The following TTC29 variants were observed in gnomAD, a reference collection of about 807,000 sequenced individuals.
The protein encoded by TTC29 is tetratricopeptide repeat protein 29.
A neutral mutation model predicts 58.1 loss-of-function variants in TTC29; 49 were observed. The observed-to-expected ratio is 0.84, with a 90% CI of 0.67 to 1.07. TTC29 has a LOEUF of 1.07. Ranked by LOEUF, TTC29 falls within the 50% of genes least tolerant of loss-of-function variation. The pLI, the probability that TTC29 is intolerant of heterozygous loss-of-function variation, is 0.00. For synonymous variants in TTC29, 209 were observed against 196.8 expected (o/e 1.06, Z -0.52); for missense variants, 582 against 555.6 (o/e 1.05, Z -0.48).
intron 11 of TTC29, among the ~76,000 whole-genome samples, chr4:146,713,114 G>GTA (rs1554003579): frequency 6.7e-6 from 1 of 148,760 alleles, no homozygotes; most frequent in Non-Finnish European, 1.5e-5. Flanking sequence ...AATTGATCGT[G>GTA]TGTGTGTGTG....
At chr4:146,914,705 A>C (rs1734105168) in intron 4 of TTC29, among the ~76,000 whole-genome samples, 1 of 152,168 alleles carries the variant, frequency 6.6e-6, no homozygotes, top group African/African-American at 2.4e-5. Flanking sequence ...GCATTTGAGA[A>C]TGAAATTAAG....
chr4:146,761,231 G>A (rs563454089), intron 11 of TTC29, among the ~76,000 whole-genome samples: 1 of 151,656 alleles, frequency 6.6e-6, no homozygotes, highest in Admixed American at 6.6e-5. Flanking sequence ...ATAACTAATG[G>A]AAAAAAATAC....
intron 6 of TTC29, among the ~76,000 whole-genome samples, chr4:146,892,683 G>A (rs1034484418): frequency 1.3e-5 from 2 of 152,174 alleles, no homozygotes; most frequent in African/African-American, 2.4e-5. Flanking sequence ...GTTCTGGCCA[G>A]GGCAATCAGG....
At chr4:146,734,633 G>A (rs1421230793) in intron 11 of TTC29, among the ~76,000 whole-genome samples, 1 of 152,046 alleles carries the variant, frequency 6.6e-6, no homozygotes, top group Non-Finnish European at 1.5e-5. Context: ...TAGTTTTGGA[G>A]TTGAATTGGG....
chr4:146,794,861 G>A (rs1053285478), intron 11 of TTC29, among the ~76,000 whole-genome samples: 3 of 152,026 alleles, frequency 2.0e-5, no homozygotes, highest in African/African-American at 7.2e-5. Context: ...ATAGGTAAAT[G>A]GAAATGCACA....
intron 8 of TTC29, among the ~76,000 whole-genome samples, chr4:146,846,732 C>T (rs1455692643): frequency 6.6e-6 from 1 of 152,156 alleles, no homozygotes; most frequent in Non-Finnish European, 1.5e-5. Flanking sequence ...GAACTGATTA[C>T]CATGAGGAAA....
At chr4:146,884,744 C>T (rs1731866270) in intron 6 of TTC29, among the ~76,000 whole-genome samples, 1 of 151,960 alleles carries the variant, frequency 6.6e-6, no homozygotes, top group South Asian at 2.1e-4. Flanking sequence ...ATTTAACACC[C>T]AGATAGAGAA....
intron 2 of TTC29, chr4:146,943,137 A>G (rs1361579618): frequency 1.4e-5 from 2 of 140,036 alleles, no homozygotes; most frequent in African/African-American, 2.6e-5. Flanking sequence ...ATGGAGAGGG[A>G]TATGTCTTCT....
chr4:146,776,659 T>C (rs1748120491), intron 11 of TTC29, among the ~76,000 whole-genome samples: 2 of 152,224 alleles, frequency 1.3e-5, no homozygotes, highest in Admixed American at 6.5e-5. Flanking sequence ...AAGGTGCTCC[T>C]GGTCCGCTGG....
At chr4:146,776,215 T>C (rs1269258123) in intron 11 of TTC29, among the ~76,000 whole-genome samples, 7 of 152,224 alleles carry the variant, frequency 4.6e-5, no homozygotes, top group African/African-American at 1.7e-4. Context: ...CTTAGATTCC[T>C]TGGATTGGGT....
chr4:146,836,596 T>G (rs1042308915), intron 8 of TTC29, among the ~76,000 whole-genome samples: 1 of 151,456 alleles, frequency 6.6e-6, no homozygotes, highest in Non-Finnish European at 1.5e-5. Context: ...TTAAAATGAG[T>G]GGAAAAATAA....
At chr4:146,740,987 G>A (rs1024551565) in intron 11 of TTC29, among the ~76,000 whole-genome samples, 3 of 152,106 alleles carry the variant, frequency 2.0e-5, no homozygotes, top group East Asian at 3.8e-4. Flanking sequence ...CTCCCTAGGC[G>A]CTGGAATAAC....
intron 7 of TTC29, among the ~76,000 whole-genome samples, chr4:146,870,647 GA>G (rs1206202180): frequency 6.6e-6 from 1 of 151,766 alleles, no homozygotes; most frequent in African/African-American, 2.4e-5. Flanking sequence ...AATCAAGAAT[GA>G]AAAAAGGTAA....
intron 11 of TTC29, among the ~76,000 whole-genome samples, chr4:146,709,995 C>T (rs950453679): frequency 1.3e-5 from 2 of 152,136 alleles, no homozygotes; most frequent in South Asian, 2.1e-4. Context: ...GCCTCCCACT[C>T]ATCAGTGCTC....
At chr4:146,820,097 T>A in intron 10 of TTC29, 28 bp downstream of exon 10, 1 of 1,609,058 alleles carries the variant, frequency 6.2e-7, no homozygotes, top group Non-Finnish European at 8.5e-7. Flanking sequence ...CGCAAATTTC[T>A]CTATAAACAA....
intron 8 of TTC29, among the ~76,000 whole-genome samples, chr4:146,839,188 C>A (rs1728693003): frequency 6.6e-6 from 1 of 151,894 alleles, no homozygotes; most frequent in South Asian, 2.1e-4. Context: ...TTGATATATA[C>A]CCACTGGCCT....
At chr4:146,866,091 G>A (rs1003313646) in intron 8 of TTC29, among the ~76,000 whole-genome samples, 14 of 152,164 alleles carry the variant, frequency 9.2e-5, no homozygotes, top group South Asian at 6.2e-4. Flanking sequence ...AGCCAGAAAC[G>A]TGTAACTGTG....
chr4:146,748,250 A>C (rs1361477431), intron 11 of TTC29, among the ~76,000 whole-genome samples: 1 of 152,182 alleles, frequency 6.6e-6, no homozygotes, highest in Non-Finnish European at 1.5e-5. Flanking sequence ...AACCACAGCT[A>C]ACATCCCATC....
rs543308875 is a variant in TTC29 at position 146,910,740 on chromosome 4, A to G, written c.177-1491T>C. ...TCCCCTATATGGCAGTCAGGTTGTTACAGAACTAGTTCGTAAAGAGAATAA... is the reference window on the plus strand; with the variant it reads ...TCCCCTATATGGCAGTCAGGTTGTTGCAGAACTAGTTCGTAAAGAGAATAA... On this transcript the variant is annotated intron_variant, in intron 4 of 12. Transcript: ENST00000325106. 1.4e-4 allele frequency among the ~76,000 whole-genome samples: 21 copies of G among 152,306 alleles called. No individual in the cohort carries two copies. In the East Asian group the frequency reaches 3.7e-3, roughly 27 times the overall value.
Sources: allele counts gnomAD v4.1 joint callset (sites outside exome capture counted in the v4.1 genomes callset), GRCh38; gene constraint gnomAD v4.1.1; transcripts MANE v1.5; gene names NCBI Gene and HGNC (gene_info 2026-07-23, HGNC 2026-07-21).